CENPE: variants seen among roughly 807,000 people sequenced by gnomAD.
The protein encoded by CENPE is centromere-associated protein E.
In CENPE, 145 loss-of-function variants were observed where a neutral mutation model predicts 336.1. The observed-to-expected ratio is 0.43, with a 90% CI of 0.38 to 0.50. CENPE has a LOEUF of 0.50. Ranked by LOEUF, CENPE falls within the 20% of genes least tolerant of loss-of-function variation. CENPE has a pLI of 0.00. For synonymous variants in CENPE, 1,013 were observed against 984.8 expected (o/e 1.03, Z -0.54); for missense variants, 2,719 against 3,023.3 (o/e 0.90, Z 2.36).
chr4:103,151,070 T>C lies in CENPE; in HGVS notation c.3396+149A>G, dbSNP rs980093276. On this transcript the variant is annotated intron_variant, in intron 26 of 48. Transcript: ENST00000265148. ...AGGTATGTTAGTTTAGATCTCAGTG[T>C]AAGTTAAAATTGTCCAAAATACTAG... The C allele has an allele frequency of 1.1e-5, 7 of 666,212 alleles. No homozygotes were observed. In the African/African-American group the frequency reaches 1.3e-4, roughly 12 times the overall value. 41.3% of individuals were successfully genotyped at this position (666,212 alleles called of 1,614,324 possible). A position where few individuals can be genotyped will look rare whatever the true frequency, so the allele number is the denominator to read the frequency against.
rs3835129 is a variant in CENPE at position 103,183,029 on chromosome 4, T to TACTA, written c.834-142_834-139dup. On this transcript the variant is annotated intron_variant, in intron 10 of 48. Coordinates refer to ENST00000265148, the MANE Select transcript of CENPE (RefSeq NM_001813.3). ...CAAGTTATATGAGGCAGATTAAAAC[T>TACTA]ACTAAAAAATATTTAAAACAGAAAG... 341,702 of 893,202 alleles carry TACTA rather than the reference T, an allele frequency of 0.38. 70,405 individuals are homozygous for TACTA. Among genetic ancestry groups the TACTA allele is most frequent in the African/African-American group, 0.59 (34,177 of 58,162 alleles). 55.3% of individuals were successfully genotyped at this position (893,202 alleles called of 1,614,324 possible).
Position 103,196,924 on chromosome 4 carries a change from C to A in CENPE, c.57-74G>T, listed in dbSNP as rs1213223272. On this transcript the variant is annotated intron_variant, in intron 1 of 48. Coordinates refer to ENST00000265148, the MANE Select transcript of CENPE (RefSeq NM_001813.3). The stretch of plus-strand genomic sequence containing the variant: ...ATAGGAGGAATAATTGAAAAGATTT[C>A]ACCTGCTAAAGAATATTTTGAAAGA... The A allele has an allele frequency of 5.5e-6, 4 of 733,510 alleles. No homozygotes were observed. In the African/African-American group the frequency reaches 7.1e-5, roughly 13 times the overall value. The allele number at this position is 733,510 out of a possible 1,614,324, so 45.4% of individuals were successfully genotyped here.
Position 103,127,112 on chromosome 4 carries a change from AC to A in CENPE, c.6925-4024del, listed in dbSNP as rs1479152169. On this transcript the variant is annotated intron_variant, in intron 42 of 48. Coordinates refer to ENST00000265148, the MANE Select transcript of CENPE (RefSeq NM_001813.3). ...GGGACAAATATAAAAAAAAAAAAAA[AC>A]CAAAAAAACCCCCGAAAAAAAACCC... Among the ~76,000 whole-genome samples, 774 of 148,062 alleles carry A rather than the reference AC, an allele frequency of 5.2e-3. 3 individuals carry two copies. Among genetic ancestry groups the A allele is most frequent in the African/African-American group, 0.018 (714 of 39,908 alleles).
intron 48 of CENPE, 109 bp downstream of exon 48, chr4:103,108,694 T>C (rs1749112337): frequency 9.9e-7 from 1 of 1,014,890 alleles, no homozygotes; most frequent in Non-Finnish European, 1.4e-6. Context: ...TCATTGTAGC[T>C]TACTCAACTA....
rs1010807082 is a variant in CENPE, at chr4:103,140,683, A to G, written c.5754+131T>C. 1.0e-5 allele frequency: 7 copies of G among 693,290 alleles called. No individual in the cohort carries two copies. In the East Asian group the frequency reaches 1.9e-4, roughly 19 times the overall value. The allele number at this position is 693,290 out of a possible 1,614,324, so 42.9% of individuals were successfully genotyped here. On this transcript the variant is annotated intron_variant, in intron 36 of 48. Transcript: ENST00000265148. ...ATGCTTAGTTTTCCATTATACAGAT[A>G]GTGCCTTATTATTGGTGGACACTTA... is the stretch of plus-strand genomic sequence containing the variant.
chr4:103,107,652 G>A (rs996605249), intron 48 of CENPE, among the ~76,000 whole-genome samples: 1 of 152,144 alleles, frequency 6.6e-6, no homozygotes, highest in African/African-American at 2.4e-5. Flanking sequence ...TCCATGCAGA[G>A]CTGGGGGTGA....
At chr4:103,111,050 T>C in intron 46 of CENPE, 39 bp from the exon 47 acceptor site, 2 of 1,434,664 alleles carry the variant, frequency 1.4e-6, no homozygotes, top group Non-Finnish European at 1.9e-6. Context: ...ATAATTTTAA[T>C]TGTCTCCAAA....
At position 103,128,350 on chromosome 4, in the gene CENPE, G is replaced by A. The variant is rs190397587; in HGVS notation, c.6924+4343C>T. On this transcript the variant is annotated intron_variant, in intron 42 of 48. Transcript: ENST00000265148. ...ACTTCAACGCCTCTCTATCAGAAGTGAACAGATCCACCAGGCAGAAAAATC... is the reference window on the plus strand; with the variant it reads ...ACTTCAACGCCTCTCTATCAGAAGTAAACAGATCCACCAGGCAGAAAAATC... Among the ~76,000 whole-genome samples, 455 of 152,276 alleles carry A rather than the reference G, an allele frequency of 3.0e-3. 1 individual carries two copies. Among genetic ancestry groups the A allele is most frequent in the Non-Finnish European group, 4.8e-3 (328 of 68,000 alleles).
intron 16 of CENPE, among the ~76,000 whole-genome samples, chr4:103,167,954 T>C (rs1406981006): frequency 1.3e-5 from 2 of 152,174 alleles, no homozygotes; most frequent in African/African-American, 2.4e-5. Flanking sequence ...GCTCCTGCCC[T>C]CCTCAAGCTG....
chr4:103,188,601 A>T (rs2126039988), intron 8 of CENPE, among the ~76,000 whole-genome samples: 1 of 152,344 alleles, frequency 6.6e-6, no homozygotes. Context: ...CAATGAGAAC[A>T]AAGACACAAC....
intron 34 of CENPE, among the ~76,000 whole-genome samples, chr4:103,142,494 C>T (rs1203503989): frequency 6.6e-6 from 1 of 152,174 alleles, no homozygotes; most frequent in African/African-American, 2.4e-5. Context: ...TTCTCTAAGG[C>T]CTTCCCTAAG....
At position 103,123,009 on chromosome 4, in the gene CENPE, C is replaced by T. The variant is rs775234859; in HGVS notation, c.7005G>A (p.Leu2335=). Residue 2335 remains leucine (L), a synonymous_variant, in exon 43 of 49, where the codon CTG becomes CTA. Coordinates refer to ENST00000265148, the MANE Select transcript of CENPE (RefSeq NM_001813.3). ...SKEWEQDLKS[L]KEKNEKLFKN... ...TAAATAGTTTTTCATTTTTCTCTTT[C>T]AGTGATTTCAGGTCCTGTTCCCACT... is the stretch of plus-strand genomic sequence containing the variant. 6.2e-7 allele frequency: 1 copy of T among 1,613,888 alleles called. No homozygotes were observed. The highest frequency in any genetic ancestry group is 1.1e-5 in the South Asian group (1 of 91,072).
intron 13 of CENPE, among the ~76,000 whole-genome samples, chr4:103,179,003 A>G (rs1756113117): frequency 6.6e-6 from 1 of 152,214 alleles, no homozygotes; most frequent in Admixed American, 6.5e-5. Context: ...CATCTCAAAC[A>G]AAAGAAATCC....
At chr4:103,117,871 G>A (rs1025395658) in intron 44 of CENPE, among the ~76,000 whole-genome samples, 22 of 151,874 alleles carry the variant, frequency 1.4e-4, no homozygotes, top group African/African-American at 5.3e-4. Context: ...CAGGTGATCC[G>A]CCCGCCTCAG....
Position 103,110,508 on chromosome 4 carries a change from G to T in CENPE, c.7724+320C>A, listed in dbSNP as rs143415709. Among the ~76,000 whole-genome samples the T allele has an allele frequency of 6.2e-4, 95 of 152,256 alleles. 2 individuals are homozygous for T. The East Asian group carries it at 0.014, about 22-fold the overall frequency. On this transcript the variant is annotated intron_variant, in intron 47 of 48. Transcript: ENST00000265148. ...AAAAAGCCTACAATAATGGACGTAA[G>T]GAGTTCCTCTCTAAGTAAAGCCTCA...
intron 8 of CENPE, among the ~76,000 whole-genome samples, chr4:103,189,920 G>A (rs941301647): frequency 1.7e-4 from 26 of 152,054 alleles, no homozygotes; most frequent in African/African-American, 6.0e-4. Context: ...AATCTCCTTA[G>A]GCTGATAAGC....
In CENPE at chr4:103,149,035, C is replaced by T. The variant is rs375855770; in HGVS notation, c.3688-36G>A. ...GAAATTTAAAGAATATTGTAATATT[C>T]TTCCAACATTGCTCCCCTCTTTCCA... is the stretch of plus-strand genomic sequence containing the variant. On this transcript the variant is annotated intron_variant, in intron 27 of 48. Coordinates refer to ENST00000265148, the MANE Select transcript of CENPE (RefSeq NM_001813.3). 1.1e-4 allele frequency: 178 copies of T among 1,600,302 alleles called. 1 individual carries two copies. In the African/African-American group the frequency reaches 2.3e-3, roughly 21 times the overall value.
Position 103,136,113 on chromosome 4 carries a change from A to T in CENPE, c.6522+28T>A, listed in dbSNP as rs1752046847. ...ATTGATGTTTATAACTGAAATATTT[A>T]AAAGGATATTACTAAAAAAGATGGT... is the stretch of plus-strand genomic sequence containing the variant. On this transcript the variant is annotated intron_variant, in intron 40 of 48. Transcript: ENST00000265148. 3 of 1,551,018 alleles carry T rather than the reference A, an allele frequency of 1.9e-6. No homozygotes were observed. In the South Asian group the frequency reaches 3.5e-5, roughly 18 times the overall value.
chr4:103,111,539 C>T (rs1397813435), intron 46 of CENPE, among the ~76,000 whole-genome samples: 1 of 152,146 alleles, frequency 6.6e-6, no homozygotes, highest in East Asian at 1.9e-4. Context: ...AAATTGTAGG[C>T]AAAGTTGCAC....
Sources: allele counts gnomAD v4.1 joint callset (sites outside exome capture counted in the v4.1 genomes callset), GRCh38; gene constraint gnomAD v4.1.1; transcripts MANE v1.5; gene names NCBI Gene and HGNC (gene_info 2026-07-23, HGNC 2026-07-21).